The following SUPT6H variants were observed in gnomAD, a reference collection of about 807,000 sequenced individuals.
SUPT6H encodes the protein SPT6 homolog, histone chaperone and transcription elongation factor, also known as transcription elongation factor SPT6.
A neutral mutation model predicts 222.3 loss-of-function variants in SUPT6H; 11 were observed. The observed-to-expected ratio is 0.05, with a 90% confidence interval of 0.03 to 0.08. The LOEUF is 0.08. SUPT6H is among the 10% of genes least tolerant of loss of function. SUPT6H has a pLI of 1.00. For missense variants in SUPT6H, 1,422 were observed against 2,216.0 expected, an observed-to-expected ratio of 0.64 and a Z score of 7.19; for synonymous variants, 762 against 801.2, an observed-to-expected ratio of 0.95 and a Z score of 0.83.
At chr17:28,683,593 G>C in intron 16 of SUPT6H, 28 bp from the exon 17 acceptor site, 10 of 1,607,548 alleles carry the variant, frequency 6.2e-6, no homozygotes, top group Non-Finnish European at 8.5e-6. Context: ...CTCCATTCCT[G>C]ACACCATAGC....
chr17:28,685,472 C>T (rs11870659), intron 19 of SUPT6H, among the ~76,000 whole-genome samples: 6 of 144,394 alleles, frequency 4.2e-5, no homozygotes, highest in Admixed American at 2.1e-4. Context: ...TTATTATTAT[C>T]ATTATTATTA....
intron 19 of SUPT6H, among the ~76,000 whole-genome samples, chr17:28,685,478 T>C (rs11868741): frequency 2.8e-5 from 1 of 36,196 alleles, no homozygotes; most frequent in Non-Finnish European, 1.3e-4. Context: ...TTATCATTAT[T>C]ATTATTATTA....
intron 26 of SUPT6H, 28 bp downstream of exon 26, chr17:28,690,257 G>C: frequency 6.2e-7 from 1 of 1,611,202 alleles, no homozygotes; most frequent in East Asian, 2.2e-5. Flanking sequence ...TTTTTTATTG[G>C]GGGCAGGAGG....
intron 23 of SUPT6H, 127 bp from the exon 24 acceptor site, chr17:28,687,964 T>C (rs193056989): frequency 9.6e-7 from 1 of 1,045,284 alleles, no homozygotes; most frequent in East Asian, 2.8e-5. Flanking sequence ...GTCGATAGCA[T>C]GCTGTAGTGC....
chr17:28,671,837 A>G (rs2030433850), intron 1 of SUPT6H, among the ~76,000 whole-genome samples: 2 of 152,202 alleles, frequency 1.3e-5, no homozygotes, highest in Non-Finnish European at 2.9e-5. Context: ...AGGTAGCGCT[A>G]TTACCATTTT....
rs117251880 is a variant in SUPT6H at position 28,694,115 on chromosome 17, G to A, written c.3774+279G>A. 1.1e-4 allele frequency among the ~76,000 whole-genome samples: 16 copies of A among 152,346 alleles called. No homozygotes were observed. In the East Asian group the frequency reaches 1.3e-3, roughly 13 times the overall value. ...GTGGGAAGCTGCAGTTCAGTCCAGAGGGCAGGGCCCAGCATTACATGCTGT... is the reference window on the plus strand; with the variant it reads ...GTGGGAAGCTGCAGTTCAGTCCAGAAGGCAGGGCCCAGCATTACATGCTGT... On this transcript the variant is annotated intron_variant, in intron 28 of 36. Transcript: ENST00000314616.
chr17:28,674,259 G>A, intron 2 of SUPT6H, 24 bp from the exon 3 acceptor site: 2 of 1,613,682 alleles, frequency 1.2e-6, no homozygotes, highest in Non-Finnish European at 1.7e-6. Context: ...CAGTCTCCAT[G>A]CCTCAAACAT....
chr17:28,689,779 A>C (rs757740331), intron 25 of SUPT6H, among the ~76,000 whole-genome samples: 4 of 152,168 alleles, frequency 2.6e-5, no homozygotes, highest in Admixed American at 6.5e-5. Flanking sequence ...CATAATTACA[A>C]GGGGCAGGAG....
chr17:28,694,460 G>GAT (rs773120862), intron 28 of SUPT6H, among the ~76,000 whole-genome samples: 1 of 152,124 alleles, frequency 6.6e-6, no homozygotes, highest in Non-Finnish European at 1.5e-5. Context: ...ACTTTTTTCA[G>GAT]AATCACCCAG....
chr17:28,681,185 C>A, intron 11 of SUPT6H, 71 bp from the exon 12 acceptor site: 1 of 1,571,168 alleles, frequency 6.4e-7, no homozygotes, highest in African/African-American at 1.4e-5. Flanking sequence ...GGGAATTGGA[C>A]CTCTTGTAGC....
At chr17:28,693,452 A>G (rs1486931127) in intron 27 of SUPT6H, among the ~76,000 whole-genome samples, 1 of 152,008 alleles carries the variant, frequency 6.6e-6, no homozygotes, top group Non-Finnish European at 1.5e-5. Context: ...ACAGAGCAAG[A>G]CTCCATCTCA....
intron 23 of SUPT6H, 113 bp downstream of exon 23, chr17:28,687,584 C>T: frequency 2.5e-6 from 3 of 1,187,850 alleles, no homozygotes; most frequent in Non-Finnish European, 3.5e-6. Flanking sequence ...GTGACTTGTC[C>T]AAAATCACTC....
At chr17:28,682,627 A>T in intron 13 of SUPT6H, 100 bp from the exon 14 acceptor site, 12 of 1,497,726 alleles carry the variant, frequency 8.0e-6, no homozygotes, top group Middle Eastern at 2.0e-4. Flanking sequence ...TCAGGAAAAT[A>T]AAAAAGGCTA....
intron 28 of SUPT6H, chr17:28,695,130 T>A: frequency 2.0e-6 from 1 of 510,218 alleles, no homozygotes; most frequent in Non-Finnish European, 3.5e-6. Context: ...TCAGCTGGTT[T>A]TCCTGCCCAG....
At chr17:28,699,024 C>T (rs1284927212) in intron 32 of SUPT6H, among the ~76,000 whole-genome samples, 1 of 152,200 alleles carries the variant, frequency 6.6e-6, no homozygotes, top group Non-Finnish European at 1.5e-5. Flanking sequence ...CCTTGTGTGG[C>T]AGAATTAACA....
chr17:28,680,429 C>T (rs1184607949), intron 11 of SUPT6H, among the ~76,000 whole-genome samples: 30 of 151,954 alleles, frequency 2.0e-4, no homozygotes, highest in Admixed American at 2.0e-3. Flanking sequence ...GAAACCCTGT[C>T]TCTACTAAAA....
chr17:28,700,149 T>A (rs1040435796), intron 33 of SUPT6H, 24 bp from the exon 34 acceptor site: 4 of 1,614,078 alleles, frequency 2.5e-6, no homozygotes, highest in Non-Finnish European at 3.4e-6. Context: ...TGGAGGGATG[T>A]AACTAAATAA....
At chr17:28,696,742 C>T in intron 29 of SUPT6H, 102 bp from the exon 30 acceptor site, 1 of 1,102,794 alleles carries the variant, frequency 9.1e-7, no homozygotes, top group Non-Finnish European at 1.4e-6. Flanking sequence ...GACAGAGCAC[C>T]CCAACTCAAT....
At chr17:28,669,776 A>G (rs2030305472) in intron 1 of SUPT6H, among the ~76,000 whole-genome samples, 2 of 152,194 alleles carry the variant, frequency 1.3e-5, no homozygotes, top group Non-Finnish European at 2.9e-5. Flanking sequence ...CTCTACTAAA[A>G]AAAACAAAAA....
Sources: gnomAD v4.1 joint callset for allele counts (sites outside exome capture counted in the v4.1 genomes callset) on GRCh38, gnomAD v4.1.1 for gene constraint, MANE v1.5 for transcripts, NCBI Gene and HGNC (gene_info 2026-07-23, HGNC 2026-07-21) for gene names.